TERB1: variants seen among roughly 807,000 people sequenced by gnomAD.
TERB1 encodes telomere repeat binding bouquet formation protein 1, also known as telomere repeats-binding bouquet formation protein 1.
A neutral mutation model predicts 92.3 loss-of-function variants in TERB1; 63 were observed. That is an observed-to-expected ratio of 0.68 (90% CI 0.56 to 0.84). TERB1 has a LOEUF of 0.84. Among genes scored for constraint, TERB1 ranks in the 40% least tolerant of loss-of-function variants. The pLI is 0.00. For missense variants in TERB1, 709 were observed against 843.7 expected, an observed-to-expected ratio of 0.84 and a Z score of 1.98; for synonymous variants, 252 against 283.9, an observed-to-expected ratio of 0.89 and a Z score of 1.13.
chr16:66,770,265 C>T lies in TERB1; in HGVS notation c.1317G>A (p.Met439Ile). 6.4e-7 allele frequency: 1 copy of T among 1,551,100 alleles called. No individual in the cohort carries two copies. The highest frequency in any genetic ancestry group is 8.7e-7 in the Non-Finnish European group (1 of 1,146,626). ...RENYQDNISS[M>I]NISIQNTWKH... ...TCCATGTATTCTGAATACTTATGTT[C>T]ATAGATGAAATATTATCCTGATAGT... Residue 439 changes from methionine (M) to isoleucine (I), a missense_variant, in exon 14 of 19, where the codon ATG becomes ATA. Met to Ile is a conservative substitution (Grantham distance 10). Transcript: ENST00000433154.
chr16:66,762,615 C>T (rs879559693), intron 16 of TERB1, among the ~76,000 whole-genome samples: 1 of 151,936 alleles, frequency 6.6e-6, no homozygotes, highest in Non-Finnish European at 1.5e-5. Flanking sequence ...AACTCCTGGG[C>T]TTAAGTAATC....
Position 66,768,163 on chromosome 16 carries a change from T to C in TERB1, c.1625A>G (p.His542Arg). 1 of 1,548,146 alleles carries C rather than the reference T, an allele frequency of 6.5e-7. No individual in the cohort carries two copies. Among genetic ancestry groups the C allele is most frequent in the Non-Finnish European group, 8.7e-7 (1 of 1,143,818 alleles). Residue 542 changes from histidine to arginine, a missense_variant, in exon 15 of 19, where the codon CAT (histidine) becomes CGT (arginine). His to Arg is a conservative substitution (Grantham distance 29). Coordinates refer to ENST00000433154, the MANE Select transcript of TERB1 (RefSeq NM_001136505.2). ...AATGTGAACTGGGTGTTTAAAAACATGGTCACTAAAAGAAAATAGACACCA... is the reference window on the plus strand; with the variant it reads ...AATGTGAACTGGGTGTTTAAAAACACGGTCACTAAAAGAAAATAGACACCA... ...EKNFVSQSSD[H>R]VFKHPVHIAK...
At position 66,775,128 on chromosome 16, in the gene TERB1, G is replaced by A; in HGVS notation, c.1101C>T (p.Cys367=). The change falls in exon 12 of 19, where the codon TGC becomes TGT. Residue 367 remains cysteine, a synonymous_variant. Coordinates refer to ENST00000433154, the MANE Select transcript of TERB1 (RefSeq NM_001136505.2). ...TAATAGTACACTTACTAATTTTTTTGCAGTTGTGAAGCACAAATGTGGCAG... is the reference window on the plus strand; with the variant it reads ...TAATAGTACACTTACTAATTTTTTTACAGTTGTGAAGCACAAATGTGGCAG... ...NKAATFVLHN[C]KKITEKLSLS... The A allele has an allele frequency of 6.4e-7, 1 of 1,550,590 alleles. No individual in the cohort carries two copies. Among genetic ancestry groups the A allele is most frequent in the Non-Finnish European group, 8.7e-7 (1 of 1,146,688 alleles).
intron 11 of TERB1, 35 bp from the exon 12 acceptor site, chr16:66,775,278 A>G (rs1402435817): frequency 6.6e-7 from 1 of 1,513,438 alleles, no homozygotes; most frequent in Non-Finnish European, 9.0e-7. Context: ...AATGTTTTTT[A>G]TCATAAACTA....
At chr16:66,769,295 A>C (rs866924589) in intron 14 of TERB1, among the ~76,000 whole-genome samples, 3 of 152,250 alleles carry the variant, frequency 2.0e-5, no homozygotes, top group Middle Eastern at 6.8e-3. Flanking sequence ...CTTGAAACAG[A>C]TAAAAGGGGT....
chr16:66,759,390 C>G, intron 16 of TERB1, 100 bp from the exon 17 acceptor site: 1 of 986,306 alleles, frequency 1.0e-6, no homozygotes, highest in East Asian at 2.7e-5. Context: ...GAAGTAAAAT[C>G]AGGAACTATA....
Position 66,768,139 on chromosome 16 carries a change from A to T in TERB1, c.1649T>A (p.Ile550Asn). The change falls in exon 15 of 19, where the codon ATT becomes AAT. Residue 550 changes from isoleucine to asparagine, a missense_variant. Transcript: ENST00000433154. Reference protein sequence around the residue: ...SDHVFKHPVHIAKNIKQQLPV... With the variant: ...SDHVFKHPVHNAKNIKQQLPV... ...TAACTGCTGCTTTATATTTTTGGCA[A>T]TGTGAACTGGGTGTTTAAAAACATG... is the stretch of plus-strand genomic sequence containing the variant. 6.4e-7 allele frequency: 1 copy of T among 1,550,898 alleles called. No individual in the cohort carries two copies. The highest frequency in any genetic ancestry group is 8.7e-7 in the Non-Finnish European group (1 of 1,146,390).
intron 9 of TERB1, among the ~76,000 whole-genome samples, chr16:66,781,519 C>CTTTTTTTTTT (rs34191078): frequency 8.3e-6 from 1 of 121,172 alleles, no homozygotes; most frequent in African/African-American, 3.2e-5. Flanking sequence ...GGTACAAATT[C>CTTTTTTTTTT]TTTTTTTTTT....
chr16:66,777,344 T>A lies in TERB1; in HGVS notation c.854-10A>T. ...ACTATCCCAAAAGTAGCTATTAGTA[T>A]AAAATAGGAAAAAAAGATAGTACAA... On this transcript the variant is annotated splice_polypyrimidine_tract_variant and intron_variant, in intron 10 of 18. Transcript: ENST00000433154. The A allele has an allele frequency of 1.3e-6, 2 of 1,508,022 alleles. No homozygotes were observed. Among genetic ancestry groups the A allele is most frequent in the Admixed American group, 2.1e-5 (1 of 47,114 alleles). The allele number at this position is 1,508,022 out of a possible 1,614,324, so 93.4% of individuals were successfully genotyped here.
chr16:66,786,395 T>C, intron 6 of TERB1, 110 bp from the exon 7 acceptor site: 1 of 749,690 alleles, frequency 1.3e-6, no homozygotes, highest in East Asian at 2.7e-5. Flanking sequence ...AACTTTAAAG[T>C]ATTACAAAGT....
intron 13 of TERB1, among the ~76,000 whole-genome samples, chr16:66,770,519 G>C (rs1381539683): frequency 6.6e-6 from 1 of 152,026 alleles, no homozygotes; most frequent in Non-Finnish European, 1.5e-5. Context: ...GAAAAAATAA[G>C]TTGAATACCT....
intron 10 of TERB1, among the ~76,000 whole-genome samples, chr16:66,778,208 T>C (rs983985587): frequency 6.6e-6 from 1 of 152,200 alleles, no homozygotes; most frequent in Non-Finnish European, 1.5e-5. Flanking sequence ...TTTACATAAA[T>C]TGGGTTTTCC....
intron 3 of TERB1, among the ~76,000 whole-genome samples, chr16:66,791,371 T>G (rs2145232146): frequency 6.6e-6 from 1 of 152,206 alleles, no homozygotes; most frequent in Middle Eastern, 3.4e-3. Context: ...TGTGGGATGC[T>G]ACAAAAACAG....
chr16:66,759,178 A>C lies in TERB1; in HGVS notation c.1893T>G (p.Tyr631Ter), dbSNP rs2018186757. The C allele has an allele frequency of 6.5e-7, 1 of 1,549,426 alleles. No homozygotes were observed. ...TAAGTGATTTCCTTAGTTCACTTTTATATCTGTCTTCAGCTTCCACAATGA... is the reference window on the plus strand; with the variant it reads ...TAAGTGATTTCCTTAGTTCACTTTTCTATCTGTCTTCAGCTTCCACAATGA... ...HKVIVEAEDR[Y>*]KSELRKSLIC... The change falls in exon 17 of 19, where the codon TAT becomes TAG. Residue 631 changes from tyrosine to a stop codon, truncating the protein, a stop_gained. Coordinates refer to ENST00000433154, the MANE Select transcript of TERB1 (RefSeq NM_001136505.2). LOFTEE classifies it high-confidence loss of function.
intron 16 of TERB1, among the ~76,000 whole-genome samples, chr16:66,761,583 G>T (rs2018251211): frequency 6.6e-6 from 1 of 152,030 alleles, no homozygotes; most frequent in Admixed American, 6.6e-5. Context: ...TTGGGCTCAA[G>T]AATTCAAGAC....
chr16:66,784,681 C>A (rs2018693529), intron 9 of TERB1, among the ~76,000 whole-genome samples: 1 of 151,604 alleles, frequency 6.6e-6, no homozygotes, highest in African/African-American at 2.4e-5. Flanking sequence ...CTTATACAAG[C>A]CTTAATACTA....
rs1335989656 is a variant in TERB1 at position 66,754,910 on chromosome 16, TTAAATG to T, written c.*60_*65del. 97 of 1,377,606 alleles carry T rather than the reference TTAAATG, an allele frequency of 7.0e-5. No homozygotes were observed. The African/African-American group carries it at 1.3e-3, about 19-fold the overall frequency. The allele number at this position is 1,377,606 out of a possible 1,614,324, so 85.3% of individuals were successfully genotyped here. A position where few individuals can be genotyped will look rare whatever the true frequency, so the allele number is the denominator to read the frequency against. Reference sequence around the variant, plus strand: ...TCTCATGAGAGTTTAGAAAAATACTTTAAATGTATCTTTCAAGGCACTGTATTTTAA... The same window carrying T: ...TCTCATGAGAGTTTAGAAAAATACTTTATCTTTCAAGGCACTGTATTTTAA... On this transcript the variant is annotated 3_prime_UTR_variant, in exon 19 of 19. Transcript: ENST00000433154.
intron 13 of TERB1, among the ~76,000 whole-genome samples, chr16:66,771,188 T>A (rs575261584): frequency 6.6e-6 from 1 of 152,144 alleles, no homozygotes; most frequent in Non-Finnish European, 1.5e-5. Flanking sequence ...AAAGGAAATA[T>A]TAATAGCTCT....
rs1285753630 is a variant in TERB1, at chr16:66,775,213, T to C, written c.1016A>G (p.Asn339Ser). Reference protein sequence around the residue: ...EENQYDLFKNNGLPLMIQALT... With the variant: ...EENQYDLFKNSGLPLMIQALT... ...GGCTTGAATCATGAGTGGAAGCCCA[T>C]TGTTTTTAAAAAGGTCATACTGATT... Residue 339 changes from asparagine to serine, a missense_variant, in exon 12 of 19, where the codon AAT (asparagine) becomes AGT (serine). Asn to Ser is a conservative substitution (Grantham distance 46, BLOSUM62 1). Coordinates refer to ENST00000433154, the MANE Select transcript of TERB1 (RefSeq NM_001136505.2). The C allele has an allele frequency of 6.4e-7, 1 of 1,551,314 alleles. No individual in the cohort carries two copies. Among genetic ancestry groups the C allele is most frequent in the Non-Finnish European group, 8.7e-7 (1 of 1,146,638 alleles).
Sources: allele counts gnomAD v4.1 joint callset (sites outside exome capture counted in the v4.1 genomes callset), GRCh38; gene constraint gnomAD v4.1.1; transcripts MANE v1.5; gene names NCBI Gene and HGNC (gene_info 2026-07-23, HGNC 2026-07-21).